ULBP1: variants seen among roughly 807,000 people sequenced by gnomAD.
The protein encoded by ULBP1 is UL16 binding protein 1, also known as UL16-binding protein 1.
A neutral mutation model predicts 25.3 loss-of-function variants in ULBP1; 28 were observed. That is an observed-to-expected ratio of 1.10 (90% CI 0.82 to 1.51). The LOEUF is 1.51. Among genes scored for constraint, ULBP1 ranks in the 40% most tolerant of loss-of-function variants. ULBP1 has a pLI of 0.00. For missense variants in ULBP1, 348 were observed against 290.9 expected (o/e 1.20, Z -1.43); for synonymous variants, 129 against 103.0 (o/e 1.25, Z -1.53).
Position 149,968,869 on chromosome 6 carries a change from TGGTAA to T in ULBP1, c.349+1_349+5del. On this transcript the variant is annotated splice_donor_variant and splice_donor_region_variant and coding_sequence_variant and intron_variant, in exon 2 of 5. Transcript: ENST00000229708. LOFTEE classifies it high-confidence loss of function. ...TTCAAGTGGAGAATTTAATACCCAT[TGGTAA>T]GTTTAAAATGGCCCAGGGAGCAGAC... is the stretch of plus-strand genomic sequence containing the variant. 6.2e-7 allele frequency: 1 copy of T among 1,613,354 alleles called. No homozygotes were observed.
In ULBP1 at chr6:149,972,794, T is replaced by C. The variant is rs1366612637; in HGVS notation, c.*1448T>C. On this transcript the variant is annotated 3_prime_UTR_variant, in exon 5 of 5. Coordinates refer to ENST00000229708, the MANE Select transcript of ULBP1 (RefSeq NM_025218.4). ...TCATCAGATAAGTGCAAATCAAAACTGCAATGAGTTACCATCTCTTACCAG... is the reference window on the plus strand; with the variant it reads ...TCATCAGATAAGTGCAAATCAAAACCGCAATGAGTTACCATCTCTTACCAG... 1 of 152,150 alleles carries C rather than the reference T, an allele frequency of 6.6e-6. No homozygotes were observed. The highest frequency in any genetic ancestry group is 2.4e-5 in the African/African-American group (1 of 41,414). 9.4% of individuals were successfully genotyped at this position (152,150 alleles called of 1,614,324 possible). A position where few individuals can be genotyped will look rare whatever the true frequency, so the allele number is the denominator to read the frequency against.
rs1582825874 is a variant in ULBP1 at position 149,968,497 on chromosome 6, G to A, written c.86-110G>A. On this transcript the variant is annotated intron_variant, in intron 1 of 4. Transcript: ENST00000229708. Reference sequence around the variant, plus strand: ...TCCTGGCTGGGGCATGTCTTGGTCTGCCAGCCCAGCCCCTCAGAGGCCTTC... The same window carrying A: ...TCCTGGCTGGGGCATGTCTTGGTCTACCAGCCCAGCCCCTCAGAGGCCTTC... 6.3e-6 allele frequency: 9 copies of A among 1,433,178 alleles called. No homozygotes were observed. In the East Asian group the frequency reaches 2.1e-4, roughly 33 times the overall value. 88.8% of individuals were successfully genotyped at this position (1,433,178 alleles called of 1,614,324 possible).
intron 1 of ULBP1, among the ~76,000 whole-genome samples, chr6:149,967,552 T>C (rs770800950): frequency 1.3e-5 from 2 of 152,202 alleles, no homozygotes; most frequent in Non-Finnish European, 2.9e-5. Flanking sequence ...CGTTTTGTCT[T>C]TGTTTGTTGT....
Position 149,973,016 on chromosome 6 carries a change from C to T in ULBP1, c.*1670C>T, listed in dbSNP as rs7763772. 19,676 of 152,176 alleles carry T rather than the reference C, an allele frequency of 0.13. 2,321 individuals carry two copies. Among genetic ancestry groups the T allele is most frequent in the East Asian group, 0.35 (1,790 of 5,176 alleles). The allele number at this position is 152,176 out of a possible 1,614,324, so 9.4% of individuals were successfully genotyped here. A position where few individuals can be genotyped will look rare whatever the true frequency, so the allele number is the denominator to read the frequency against. The stretch of plus-strand genomic sequence containing the variant: ...AAAAGAATTCATTTTATCAAAAAGA[C>T]ACCTGCACCAATATGTTCATTACAG... On this transcript the variant is annotated 3_prime_UTR_variant, in exon 5 of 5. Coordinates refer to ENST00000229708, the MANE Select transcript of ULBP1 (RefSeq NM_025218.4).
chr6:149,970,285 C>T, intron 4 of ULBP1, 138 bp downstream of exon 4: 1 of 1,258,756 alleles, frequency 7.9e-7, no homozygotes, highest in East Asian at 2.6e-5. Flanking sequence ...CTGCTGTCAC[C>T]TGTTGGCAAT....
chr6:149,964,006 A>T lies in ULBP1; in HGVS notation c.-44A>T. Reference sequence around the variant, plus strand: ...TAAACAGCCGTGGTGTGAGCCTCGAAGGGAACCATCAGCGCCTCCTGTCCA... The same window carrying T: ...TAAACAGCCGTGGTGTGAGCCTCGATGGGAACCATCAGCGCCTCCTGTCCA... On this transcript the variant is annotated 5_prime_UTR_variant, in exon 1 of 5. The change creates a new upstream start codon in the 5' untranslated region. Transcript: ENST00000229708. 1 of 1,603,074 alleles carries T rather than the reference A, an allele frequency of 6.2e-7. No individual in the cohort carries two copies. Among genetic ancestry groups the T allele is most frequent in the Non-Finnish European group, 8.5e-7 (1 of 1,171,202 alleles).
At chr6:149,969,487 C>T in intron 3 of ULBP1, 127 bp downstream of exon 3, 1 of 1,294,294 alleles carries the variant, frequency 7.7e-7, no homozygotes, top group South Asian at 1.4e-5. Flanking sequence ...GGGGGCTCCT[C>T]CTGGGGGTCC....
chr6:149,967,808 T>C (rs1280681394), intron 1 of ULBP1, among the ~76,000 whole-genome samples: 1 of 152,110 alleles, frequency 6.6e-6, no homozygotes, highest in East Asian at 1.9e-4. Context: ...GGAACAGCAT[T>C]TCCTACCCCC....
chr6:149,970,873 G>A (rs956606895), intron 4 of ULBP1, among the ~76,000 whole-genome samples: 4 of 152,248 alleles, frequency 2.6e-5, no homozygotes, highest in Middle Eastern at 3.2e-3. Flanking sequence ...TGCTGCTGGA[G>A]TTCCATGCTC....
chr6:149,965,949 G>A (rs572240457), intron 1 of ULBP1, among the ~76,000 whole-genome samples: 2 of 152,070 alleles, frequency 1.3e-5, no homozygotes, highest in South Asian at 4.2e-4. Flanking sequence ...CACACCCCAG[G>A]CTTTCCACAA....
At chr6:149,970,284 C>T in intron 4 of ULBP1, 137 bp downstream of exon 4, 1 of 1,259,092 alleles carries the variant, frequency 7.9e-7, no homozygotes, top group Non-Finnish European at 1.1e-6. Flanking sequence ...CCTGCTGTCA[C>T]CTGTTGGCAA....
chr6:149,972,215 A>T lies in ULBP1; in HGVS notation c.*869A>T, dbSNP rs1354195854. The T allele has an allele frequency of 6.6e-6, 1 of 152,154 alleles. No individual in the cohort carries two copies. The highest frequency in any genetic ancestry group is 1.5e-5 in the Non-Finnish European group (1 of 68,038). 9.4% of individuals were successfully genotyped at this position (152,154 alleles called of 1,614,324 possible). Reference sequence around the variant, plus strand: ...AGAGAGCCCAGAAATCAACCTGCACACCTACCGCCATCTAATCTTCAATAG... The same window carrying T: ...AGAGAGCCCAGAAATCAACCTGCACTCCTACCGCCATCTAATCTTCAATAG... On this transcript the variant is annotated 3_prime_UTR_variant, in exon 5 of 5. Coordinates refer to ENST00000229708, the MANE Select transcript of ULBP1 (RefSeq NM_025218.4).
chr6:149,965,155 C>A (rs1337548510), intron 1 of ULBP1, among the ~76,000 whole-genome samples: 2 of 134,230 alleles, frequency 1.5e-5, no homozygotes, highest in Non-Finnish European at 3.1e-5. Flanking sequence ...CATCGCGATC[C>A]CCCAGAACAT....
In ULBP1 at chr6:149,969,712, A is replaced by G. The variant is rs77573972; in HGVS notation, c.626-304A>G. ...CGGTTTCTGTAAATCCATCAAAATC[A>G]CCTCCAATGCCAGGGCCTGAGGCCC... is the stretch of plus-strand genomic sequence containing the variant. On this transcript the variant is annotated intron_variant, in intron 3 of 4. Transcript: ENST00000229708. 1.5e-4 allele frequency among the ~76,000 whole-genome samples: 23 copies of G among 151,908 alleles called. No homozygotes were observed. The East Asian group carries it at 4.5e-3, about 29-fold the overall frequency.
chr6:149,970,318 G>C (rs1779291805), intron 4 of ULBP1, among the ~76,000 whole-genome samples, 171 bp downstream of exon 4: 2 of 151,724 alleles, frequency 1.3e-5, no homozygotes, highest in Non-Finnish European at 2.9e-5. Flanking sequence ...TCAACCTTGA[G>C]TTCTGATGGA....
At chr6:149,967,943 C>T (rs764881105) in intron 1 of ULBP1, among the ~76,000 whole-genome samples, 6 of 152,114 alleles carry the variant, frequency 3.9e-5, no homozygotes, top group South Asian at 2.1e-4. Flanking sequence ...AGAGGATGGA[C>T]GTTGTTCTGG....
intron 1 of ULBP1, among the ~76,000 whole-genome samples, chr6:149,964,676 C>T (rs1372312994): frequency 2.0e-5 from 3 of 147,980 alleles, no homozygotes; most frequent in Admixed American, 6.7e-5. Context: ...CAGTTCCCCT[C>T]CGCGGCTCCT....
chr6:149,972,143 A>G lies in ULBP1; in HGVS notation c.*797A>G, dbSNP rs1779328890. On this transcript the variant is annotated 3_prime_UTR_variant, in exon 5 of 5. Transcript: ENST00000229708. ...TTGTAGAAATTTTTAATTATTTAAT[A>G]TGAAAATATTACATTCATGATTATT... 1 of 152,174 alleles carries G rather than the reference A, an allele frequency of 6.6e-6. No homozygotes were observed. The highest frequency in any genetic ancestry group is 1.5e-5 in the Non-Finnish European group (1 of 68,040). 9.4% of individuals were successfully genotyped at this position (152,174 alleles called of 1,614,324 possible).
chr6:149,965,249 C>CCA, intron 1 of ULBP1, among the ~76,000 whole-genome samples: 1 of 123,370 alleles, frequency 8.1e-6, no homozygotes, highest in Non-Finnish European at 1.6e-5. Flanking sequence ...GCGGCCTCCC[C>CCA]GAACATCGCG....
Sources: allele counts gnomAD v4.1 joint callset (sites outside exome capture counted in the v4.1 genomes callset), GRCh38; gene constraint gnomAD v4.1.1; transcripts MANE v1.5; gene names NCBI Gene and HGNC (gene_info 2026-07-23, HGNC 2026-07-21).